The following THSD7A variants were observed in gnomAD, a reference collection of about 807,000 sequenced individuals.
THSD7A encodes the protein thrombospondin type-1 domain-containing protein 7A.
THSD7A carries 96 observed loss-of-function variants against 231.3 expected under a neutral mutation model. That is an observed-to-expected ratio of 0.41 (90% CI 0.35 to 0.49). The LOEUF (loss-of-function observed/expected upper bound fraction) is 0.49, where lower values mean the gene tolerates loss of function less well. Among genes scored for constraint, THSD7A ranks in the 20% least tolerant of loss-of-function variants. The probability of loss-of-function intolerance (pLI) is 0.05; values close to 1 mark genes in which losing one functional copy is unlikely to be tolerated. For missense variants in THSD7A, 2,290 were observed against 2,070.2 expected (o/e 1.11, Z -2.06); for synonymous variants, 940 against 743.3 (o/e 1.26, Z -4.30).
chr7:11,753,720 C>G (rs980947125), intron 1 of THSD7A, among the ~76,000 whole-genome samples: 1 of 151,748 alleles, frequency 6.6e-6, no homozygotes, highest in Non-Finnish European at 1.5e-5. Flanking sequence ...AAGAAAGTTG[C>G]TATTTGGAAA....
intron 23 of THSD7A, among the ~76,000 whole-genome samples, chr7:11,391,350 T>C (rs1782973729): frequency 6.6e-6 from 1 of 152,348 alleles, no homozygotes; most frequent in East Asian, 1.9e-4. Context: ...TGCTGAGCTG[T>C]TGTGGGCTCT....
At chr7:11,791,808 C>A (rs1783959509) in intron 1 of THSD7A, among the ~76,000 whole-genome samples, 1 of 151,858 alleles carries the variant, frequency 6.6e-6, no homozygotes, top group African/African-American at 2.4e-5. Context: ...AGTAACGGTG[C>A]GTTGCTCCAT....
At chr7:11,420,807 C>G (rs183908048) in intron 16 of THSD7A, among the ~76,000 whole-genome samples, 69 of 152,296 alleles carry the variant, frequency 4.5e-4, no homozygotes, top group Non-Finnish European at 8.2e-4. Flanking sequence ...TCGAGCTGCC[C>G]AAGGCCTTGG....
intron 1 of THSD7A, among the ~76,000 whole-genome samples, chr7:11,825,387 T>C (rs1784995849): frequency 6.6e-6 from 1 of 152,144 alleles, no homozygotes; most frequent in Middle Eastern, 3.2e-3. Flanking sequence ...TCAAAGTCCG[T>C]GTTCTTTCCA....
At chr7:11,574,687 C>T (rs1479850847) in intron 4 of THSD7A, among the ~76,000 whole-genome samples, 2 of 151,858 alleles carry the variant, frequency 1.3e-5, no homozygotes, top group Non-Finnish European at 1.5e-5. Flanking sequence ...CCGCCCACCT[C>T]GGCCTCCCAA....
intron 1 of THSD7A, among the ~76,000 whole-genome samples, chr7:11,645,980 T>C (rs73044146): frequency 0.018 from 2,770 of 152,012 alleles, 44 homozygotes; most frequent in Non-Finnish European, 0.027. Context: ...GGTGCTATAA[T>C]GAAAAGTTCC....
At chr7:11,746,352 C>T (rs1250208374) in intron 1 of THSD7A, among the ~76,000 whole-genome samples, 2 of 151,822 alleles carry the variant, frequency 1.3e-5, no homozygotes, top group Non-Finnish European at 2.9e-5. Flanking sequence ...TAACTGAATT[C>T]CAGATTTTAT....
chr7:11,461,204 G>T (rs1429766679), intron 10 of THSD7A, among the ~76,000 whole-genome samples: 1 of 151,496 alleles, frequency 6.6e-6, no homozygotes, highest in Non-Finnish European at 1.5e-5. Flanking sequence ...AGTATAATAT[G>T]CTTTACAAAA....
chr7:11,720,400 T>C (rs890949448), intron 1 of THSD7A, among the ~76,000 whole-genome samples: 1 of 151,746 alleles, frequency 6.6e-6, no homozygotes, highest in African/African-American at 2.4e-5. Context: ...CTGGATTCCA[T>C]CTCTGTTTTC....
intron 2 of THSD7A, among the ~76,000 whole-genome samples, chr7:11,610,034 A>G (rs935022998): frequency 6.6e-5 from 10 of 152,156 alleles, no homozygotes; most frequent in Non-Finnish European, 1.3e-4. Flanking sequence ...CATAAAAACA[A>G]CTCGAAAATG....
At chr7:11,645,989 C>T (rs1323263859) in intron 1 of THSD7A, among the ~76,000 whole-genome samples, 2 of 151,820 alleles carry the variant, frequency 1.3e-5, no homozygotes, top group Admixed American at 1.3e-4. Context: ...ATGAAAAGTT[C>T]CCAATTTTTG....
At position 11,525,969 on chromosome 7, in the gene THSD7A, C is replaced by G. The variant is rs186969794; in HGVS notation, c.1822+15450G>C. 3.1e-4 allele frequency among the ~76,000 whole-genome samples: 47 copies of G among 152,198 alleles called. 1 individual carries two copies. The highest frequency in any genetic ancestry group is 9.8e-4 in the Admixed American group (15 of 15,282). On this transcript the variant is annotated intron_variant, in intron 6 of 27. Transcript: ENST00000423059. ...AAAGTTATCTGGAATATTCCTAGAC[C>G]AAATTTGTTTTATAGCCAGAGTTCA...
At chr7:11,503,121 C>T (rs1280499478) in intron 6 of THSD7A, among the ~76,000 whole-genome samples, 1 of 152,112 alleles carries the variant, frequency 6.6e-6, no homozygotes, top group African/African-American at 2.4e-5. Context: ...GGCACATAGA[C>T]CAATGGAACA....
chr7:11,757,334 G>T (rs1782716759), intron 1 of THSD7A, among the ~76,000 whole-genome samples: 1 of 152,034 alleles, frequency 6.6e-6, no homozygotes, highest in Non-Finnish European at 1.5e-5. Context: ...ATGGATGCAT[G>T]ACGCTCAGCT....
At chr7:11,781,343 T>TA in intron 1 of THSD7A, among the ~76,000 whole-genome samples, 1 of 151,948 alleles carries the variant, frequency 6.6e-6, no homozygotes, top group Non-Finnish European at 1.5e-5. Flanking sequence ...TAGTCCCAGT[T>TA]ACCTGAGAGG....
At position 11,523,051 on chromosome 7, in the gene THSD7A, C is replaced by T. The variant is rs532510573; in HGVS notation, c.1822+18368G>A. Among the ~76,000 whole-genome samples the T allele has an allele frequency of 5.9e-5, 9 of 152,138 alleles. No homozygotes were observed. The South Asian group carries it at 8.3e-4, about 14-fold the overall frequency. ...CACACTACAAAGTTACAGAAAATGG[C>T]GTTGTATTAGTCACACATATTTCAA... On this transcript the variant is annotated intron_variant, in intron 6 of 27. Transcript: ENST00000423059.
chr7:11,665,290 A>C (rs1054001615), intron 1 of THSD7A, among the ~76,000 whole-genome samples: 1 of 152,044 alleles, frequency 6.6e-6, no homozygotes, highest in South Asian at 2.1e-4. Context: ...CTGCCCATTA[A>C]TGTTAATTGC....
intron 22 of THSD7A, among the ~76,000 whole-genome samples, chr7:11,403,845 T>C (rs1783493123): frequency 6.6e-6 from 1 of 152,160 alleles, no homozygotes. Context: ...ACCATTGTAA[T>C]AACAATAAAA....
chr7:11,444,883 TTA>T lies in THSD7A; in HGVS notation c.3064+1176_3064+1177del, dbSNP rs901735499. 1.7e-3 allele frequency among the ~76,000 whole-genome samples: 250 copies of T among 147,402 alleles called. 1 individual carries two copies. Among genetic ancestry groups the T allele is most frequent in the African/African-American group, 5.7e-3 (230 of 40,678 alleles). ...AAAACTATCATTATATATAACTATT[TTA>T]TATATATATAAAATGCTGTATATAT... On this transcript the variant is annotated intron_variant, in intron 13 of 27. Transcript: ENST00000423059. The surrounding 1 kb of genome is among the most constrained non-coding windows in gnomAD (Gnocchi z 4.2).
Sources: allele counts gnomAD v4.1 joint callset (sites outside exome capture counted in the v4.1 genomes callset), GRCh38; gene constraint gnomAD v4.1.1; non-coding constraint Gnocchi (gnomAD v3.1); transcripts MANE v1.5; gene names NCBI Gene and HGNC (gene_info 2026-07-23, HGNC 2026-07-21).